Variants in PRKCQ observed in about 807,000 individuals in gnomAD.
PRKCQ encodes protein kinase C theta type.
PRKCQ carries 41 observed loss-of-function variants against 91.2 expected under a neutral mutation model. The observed-to-expected ratio is 0.45, with a 90% CI of 0.35 to 0.58. PRKCQ has a LOEUF of 0.58. Ranked by LOEUF, PRKCQ falls within the 20% of genes least tolerant of loss-of-function variation. PRKCQ has a pLI of 0.00. For synonymous variants in PRKCQ, 307 were observed against 316.9 expected, an observed-to-expected ratio of 0.97 and a Z score of 0.33; for missense variants, 673 against 896.5, an observed-to-expected ratio of 0.75 and a Z score of 3.18.
intron 16 of PRKCQ, among the ~76,000 whole-genome samples, chr10:6,434,279 G>A (rs1833579600): frequency 6.6e-6 from 1 of 152,082 alleles, no homozygotes; most frequent in South Asian, 2.1e-4. Context: ...CTGCAGGCTG[G>A]GTTTTCTATT....
chr10:6,502,552 A>G (rs1345698534), intron 4 of PRKCQ, among the ~76,000 whole-genome samples: 2 of 152,228 alleles, frequency 1.3e-5, no homozygotes, highest in Non-Finnish European at 2.9e-5. Flanking sequence ...TTTCCTGCAG[A>G]CAATTTGCAG....
Position 6,455,757 on chromosome 10 carries a change from A to G in PRKCQ, c.1647+917T>C, listed in dbSNP as rs184119924. Among the ~76,000 whole-genome samples the G allele has an allele frequency of 1.6e-4, 24 of 152,316 alleles. No individual in the cohort carries two copies. In the East Asian group the frequency reaches 4.6e-3, roughly 29 times the overall value. ...TGGACATCAGTTTCCTGGCTTTGACATTGTACTGCAGCTACATGAGATGTG... is the reference window on the plus strand; with the variant it reads ...TGGACATCAGTTTCCTGGCTTTGACGTTGTACTGCAGCTACATGAGATGTG... On this transcript the variant is annotated intron_variant, in intron 15 of 17. Transcript: ENST00000263125.
chr10:6,454,031 C>A (rs555714237), intron 15 of PRKCQ, among the ~76,000 whole-genome samples: 1 of 152,106 alleles, frequency 6.6e-6, no homozygotes, highest in East Asian at 1.9e-4. Context: ...TGTAACTAAC[C>A]TGCACATTAT....
chr10:6,467,058 C>CCTCAGTGGGCA (rs1488195440), intron 12 of PRKCQ, among the ~76,000 whole-genome samples: 102 of 152,212 alleles, frequency 6.7e-4, no homozygotes, highest in African/African-American at 2.3e-3. Flanking sequence ...TGAATCTCTG[C>CCTCAGTGGGCA]ATTGGTCCTC....
chr10:6,416,888 C>A, the PRKCQ span, among the ~76,000 whole-genome samples: 1 of 152,148 alleles, frequency 6.6e-6, no homozygotes, highest in Non-Finnish European at 1.5e-5. Context: ...TATTTTTTGA[C>A]TTTTAAATTA....
chr10:6,430,555 G>GACAC lies in PRKCQ; in HGVS notation c.1965+251_1965+254dup, dbSNP rs750934937. On this transcript the variant is annotated intron_variant, in intron 17 of 17. Transcript: ENST00000263125. This position sits in a 1 kb window ranked among gnomAD's most constrained non-coding sequence, Gnocchi z 4.7. ...AAATTCATATTCAACCTAAGGCGTG[G>GACAC]ACACACAGCAATCCATTCTTCATGC... Among the ~76,000 whole-genome samples, 2 of 152,136 alleles carry GACAC rather than the reference G, an allele frequency of 1.3e-5. No individual in the cohort carries two copies. Among genetic ancestry groups the GACAC allele is most frequent in the Non-Finnish European group, 2.9e-5 (2 of 68,024 alleles).
At chr10:6,578,729 T>A (rs752535006) in intron 1 of PRKCQ, among the ~76,000 whole-genome samples, 1 of 152,242 alleles carries the variant, frequency 6.6e-6, no homozygotes, top group Non-Finnish European at 1.5e-5. Flanking sequence ...CAGCTGTGCA[T>A]AAACTTCAAA....
chr10:6,412,724 C>T, the PRKCQ span, among the ~76,000 whole-genome samples: 5 of 152,178 alleles, frequency 3.3e-5, no homozygotes, highest in Non-Finnish European at 5.9e-5. Context: ...GCCTATCTCA[C>T]GTCATATATT....
intron 1 of PRKCQ, among the ~76,000 whole-genome samples, chr10:6,562,486 A>G (rs1456586496): frequency 6.6e-6 from 1 of 152,228 alleles, no homozygotes; most frequent in Non-Finnish European, 1.5e-5. Flanking sequence ...ATTATGCTCA[A>G]CCAGAGTGAG....
intron 1 of PRKCQ, among the ~76,000 whole-genome samples, chr10:6,558,168 C>T (rs1840494860): frequency 6.6e-6 from 1 of 152,180 alleles, no homozygotes; most frequent in Non-Finnish European, 1.5e-5. Flanking sequence ...TCATGACCCA[C>T]ACAACCTCTT....
At chr10:6,481,569 G>A (rs1421000801) in intron 11 of PRKCQ, among the ~76,000 whole-genome samples, 1 of 152,216 alleles carries the variant, frequency 6.6e-6, no homozygotes, top group African/African-American at 2.4e-5. Context: ...CAGCTACCAT[G>A]TGCTGGACAG....
intron 12 of PRKCQ, among the ~76,000 whole-genome samples, 194 bp from the exon 13 acceptor site, chr10:6,464,598 C>A (rs1346543386): frequency 6.6e-6 from 1 of 152,150 alleles, no homozygotes; most frequent in Non-Finnish European, 1.5e-5. Flanking sequence ...CAGGCATGCA[C>A]CACCAGGCCC....
intron 10 of PRKCQ, among the ~76,000 whole-genome samples, chr10:6,484,414 C>G (rs1378712821): frequency 6.7e-6 from 1 of 150,036 alleles, no homozygotes; most frequent in Admixed American, 6.6e-5. Context: ...ACTCTGTCTT[C>G]AAAAAAGAAA....
the PRKCQ span, among the ~76,000 whole-genome samples, chr10:6,408,508 C>G: frequency 6.6e-6 from 1 of 152,166 alleles, no homozygotes; most frequent in Non-Finnish European, 1.5e-5. Flanking sequence ...GCGCCTGCCA[C>G]CACACCCAGC....
intron 4 of PRKCQ, among the ~76,000 whole-genome samples, chr10:6,504,930 G>C (rs1001080415): frequency 6.8e-6 from 1 of 146,052 alleles, no homozygotes; most frequent in Non-Finnish European, 1.5e-5. Flanking sequence ...GTCTCACTCT[G>C]TCTCCCAGGC....
At chr10:6,485,484 A>G (rs1196022310) in intron 9 of PRKCQ, among the ~76,000 whole-genome samples, 4 of 152,188 alleles carry the variant, frequency 2.6e-5, no homozygotes, top group African/African-American at 7.2e-5. Flanking sequence ...CCTCCTTCAC[A>G]CTTTTCTGGG....
At chr10:6,478,934 A>G in intron 12 of PRKCQ, 58 bp downstream of exon 12, 1 of 1,573,828 alleles carries the variant, frequency 6.4e-7, no homozygotes. Context: ...GCGCCATTGA[A>G]GGTATCATGC....
At chr10:6,476,546 T>C (rs1473887028) in intron 12 of PRKCQ, among the ~76,000 whole-genome samples, 1 of 152,212 alleles carries the variant, frequency 6.6e-6, no homozygotes, top group Non-Finnish European at 1.5e-5. Flanking sequence ...TCACTTATGA[T>C]TTCATAAACA....
chr10:6,509,806 A>T (rs1275394844), intron 3 of PRKCQ, among the ~76,000 whole-genome samples: 2 of 152,150 alleles, frequency 1.3e-5, no homozygotes, highest in Non-Finnish European at 2.9e-5. Flanking sequence ...AGCACCTTTT[A>T]AAAAAAATCT....
Sources: allele counts gnomAD v4.1 joint callset (sites outside exome capture counted in the v4.1 genomes callset), GRCh38; gene constraint gnomAD v4.1.1; non-coding constraint Gnocchi (gnomAD v3.1); transcripts MANE v1.5; gene names NCBI Gene and HGNC (gene_info 2026-07-23, HGNC 2026-07-21).